CAMTA1: variants seen among roughly 807,000 people sequenced by gnomAD.
CAMTA1 encodes calmodulin-binding transcription activator 1.
In CAMTA1, 27 loss-of-function variants were observed where a neutral mutation model predicts 170.9. That is an observed-to-expected ratio of 0.16 (90% CI 0.12 to 0.22). The LOEUF is 0.22. CAMTA1 is among the 10% of genes least tolerant of loss of function. The pLI is 1.00. For synonymous variants in CAMTA1, 833 were observed against 891.5 expected (o/e 0.93, Z 1.17); for missense variants, 1,619 against 2,217.2 (o/e 0.73, Z 5.42).
At chr1:7,539,979 G>C (rs1464686041) in intron 6 of CAMTA1, among the ~76,000 whole-genome samples, 1 of 152,180 alleles carries the variant, frequency 6.6e-6, no homozygotes, top group East Asian at 1.9e-4. Context: ...CTCCTTCAGA[G>C]CCCAGCTAGG....
At chr1:7,392,267 T>TG (rs975352846) in intron 5 of CAMTA1, among the ~76,000 whole-genome samples, 12 of 150,952 alleles carry the variant, frequency 7.9e-5, no homozygotes, top group African/African-American at 2.7e-4. Context: ...TCTTTTTTTT[T>TG]TTTTTTTGAG....
At chr1:7,415,552 G>A (rs904977366) in intron 5 of CAMTA1, among the ~76,000 whole-genome samples, 17 of 151,918 alleles carry the variant, frequency 1.1e-4, no homozygotes, top group Non-Finnish European at 1.9e-4. Context: ...TTGGTTTAAA[G>A]TCTGTTTTAT....
intron 6 of CAMTA1, among the ~76,000 whole-genome samples, chr1:7,486,991 T>C (rs570714038): frequency 1.2e-4 from 18 of 151,048 alleles, no homozygotes; most frequent in Non-Finnish European, 2.2e-4. Context: ...ACAACAGAAA[T>C]GAGAATAGCA....
In CAMTA1 at chr1:7,173,457, G is replaced by A. The variant is rs569311870; in HGVS notation, c.303-76034G>A. ...GGCTGGAGTATAACAGTGTGATCTT[G>A]GCTCACTGCAACCTCTGCCTCCAGG... On this transcript the variant is annotated intron_variant, in intron 4 of 22. Transcript: ENST00000303635. The surrounding 1 kb of genome is among the most constrained non-coding windows in gnomAD (Gnocchi z 5.4). 4.3e-4 allele frequency among the ~76,000 whole-genome samples: 66 copies of A among 152,040 alleles called. No individual in the cohort carries two copies. The highest frequency in any genetic ancestry group is 1.6e-3 in the African/African-American group (65 of 41,458).
intron 17 of CAMTA1, 86 bp downstream of exon 17, chr1:7,745,108 C>A: frequency 7.8e-7 from 1 of 1,276,752 alleles, no homozygotes; most frequent in Non-Finnish European, 1.1e-6. Context: ...TTGATGAATG[C>A]CGTGTCATAG....
At chr1:7,052,573 C>T (rs1706577943) in intron 3 of CAMTA1, among the ~76,000 whole-genome samples, 1 of 152,180 alleles carries the variant, frequency 6.6e-6, no homozygotes. Flanking sequence ...TCCACAGGTC[C>T]CTCCTCGCCC....
chr1:7,260,953 G>A (rs774557026), intron 5 of CAMTA1, among the ~76,000 whole-genome samples: 1 of 152,192 alleles, frequency 6.6e-6, no homozygotes, highest in South Asian at 2.1e-4. Context: ...ATTCTAGGTG[G>A]CATGTGATAA....
intron 3 of CAMTA1, among the ~76,000 whole-genome samples, chr1:7,056,154 G>A (rs1393176198): frequency 1.3e-5 from 2 of 152,148 alleles, no homozygotes; most frequent in Admixed American, 6.5e-5. Flanking sequence ...GCTGGTCCCC[G>A]GGGCCAGAGG....
chr1:6,786,545 C>T (rs960361207), intron 1 of CAMTA1, among the ~76,000 whole-genome samples: 5 of 152,186 alleles, frequency 3.3e-5, no homozygotes, highest in Admixed American at 6.5e-5. Context: ...GTTCTTCTTT[C>T]CTCACCCAGT....
At position 6,975,924 on chromosome 1, in the gene CAMTA1, G is replaced by T. The variant is rs145699189; in HGVS notation, c.235-115380G>T. Among the ~76,000 whole-genome samples, 166 of 152,200 alleles carry T rather than the reference G, an allele frequency of 1.1e-3. 2 individuals carry two copies. Among genetic ancestry groups the T allele is most frequent in the African/African-American group, 3.9e-3 (160 of 41,506 alleles). On this transcript the variant is annotated intron_variant, in intron 3 of 22. Coordinates refer to ENST00000303635, the MANE Select transcript of CAMTA1 (RefSeq NM_015215.4). ...GTGCAGTATGTGGCCTTTGGTAACC[G>T]CCTTCTTTCACTCAGTGTCATGATC...
intron 4 of CAMTA1, among the ~76,000 whole-genome samples, chr1:7,115,878 A>T (rs1454065313): frequency 3.3e-5 from 5 of 152,146 alleles, no homozygotes; most frequent in Non-Finnish European, 5.9e-5. Flanking sequence ...TGTTCTATTC[A>T]GGTCTCCAGC....
intron 5 of CAMTA1, among the ~76,000 whole-genome samples, chr1:7,335,823 AAACACAG>A (rs934837773): frequency 8.6e-5 from 13 of 151,996 alleles, no homozygotes; most frequent in African/African-American, 3.1e-4. Flanking sequence ...TTGGTATTTG[AAACACAG>A]AACACGGGTT....
chr1:7,663,612 C>T lies in CAMTA1; in HGVS notation c.1065C>T (p.Thr355=), dbSNP rs1220484190. The T allele has an allele frequency of 6.2e-7, 1 of 1,614,032 alleles. No homozygotes were observed. Among genetic ancestry groups the T allele is most frequent in the African/African-American group, 1.3e-5 (1 of 74,932 alleles). The change falls in exon 9 of 23, where the codon ACC becomes ACT. Residue 355 remains threonine (T), a synonymous_variant. Coordinates refer to ENST00000303635, the MANE Select transcript of CAMTA1 (RefSeq NM_015215.4). ...STNQVEVPDT[T]QSSPVSISSG... is the part of the protein sequence containing the mutation. ...ACCAGGTGGAAGTCCCCGACACCAC[C>T]CAGAGCTCCCCTGTGTCCATCAGCA... is the stretch of plus-strand genomic sequence containing the variant.
At chr1:7,544,009 CCA>C (rs2094651649) in intron 6 of CAMTA1, among the ~76,000 whole-genome samples, 3 of 152,104 alleles carry the variant, frequency 2.0e-5, no homozygotes, top group Admixed American at 6.5e-5. Flanking sequence ...AAAAGGGATC[CCA>C]CATTTTCATT....
chr1:6,902,664 A>C (rs1677385947), intron 3 of CAMTA1, among the ~76,000 whole-genome samples: 1 of 152,242 alleles, frequency 6.6e-6, no homozygotes, highest in African/African-American at 2.4e-5. Context: ...GGACCTGTGC[A>C]CTTTGAACAG....
chr1:7,154,262 C>G (rs373613441), intron 4 of CAMTA1, among the ~76,000 whole-genome samples: 1 of 152,102 alleles, frequency 6.6e-6, no homozygotes, highest in South Asian at 2.1e-4. Context: ...AACCCCCACC[C>G]GAGACTCCCG....
At chr1:7,434,723 C>T (rs2092291060) in intron 5 of CAMTA1, among the ~76,000 whole-genome samples, 1 of 152,062 alleles carries the variant, frequency 6.6e-6, no homozygotes, top group South Asian at 2.1e-4. Context: ...GGCCTTCTTG[C>T]TCTGTCCCCG....
At chr1:6,894,756 T>A (rs1675275563) in intron 3 of CAMTA1, among the ~76,000 whole-genome samples, 2 of 152,236 alleles carry the variant, frequency 1.3e-5, no homozygotes, top group South Asian at 4.1e-4. Context: ...TTTAAACATT[T>A]CAGGATATAA....
At chr1:7,406,128 A>G (rs958991574) in intron 5 of CAMTA1, among the ~76,000 whole-genome samples, 2 of 152,222 alleles carry the variant, frequency 1.3e-5, no homozygotes, top group Admixed American at 1.3e-4. Flanking sequence ...ACTTCCTGTG[A>G]TAAGTAAATC....
Sources: gnomAD v4.1 joint callset for allele counts (sites outside exome capture counted in the v4.1 genomes callset) on GRCh38, gnomAD v4.1.1 for gene constraint, Gnocchi (gnomAD v3.1) non-coding constraint, MANE v1.5 for transcripts, NCBI Gene and HGNC (gene_info 2026-07-23, HGNC 2026-07-21) for gene names.